Variants in SDK1 observed in about 807,000 individuals in gnomAD.
SDK1 encodes the protein sidekick cell adhesion molecule 1, also known as protein sidekick-1.
In SDK1, 157 loss-of-function variants were observed where a neutral mutation model predicts 245.5. The ratio of observed to expected loss-of-function variants is 0.64; its 90% CI spans 0.56 to 0.73. The LOEUF (loss-of-function observed/expected upper bound fraction) is 0.73. Among genes scored for constraint, SDK1 ranks in the 30% least tolerant of loss-of-function variants. The probability of loss-of-function intolerance (pLI) is 0.00; values close to 1 mark genes in which losing one functional copy is unlikely to be tolerated. For synonymous variants in SDK1, 1,647 were observed against 1,278.5 expected, an observed-to-expected ratio of 1.29 and a Z score of -6.15; for missense variants, 3,583 against 3,002.3, an observed-to-expected ratio of 1.19 and a Z score of -4.52.
intron 5 of SDK1, among the ~76,000 whole-genome samples, chr7:3,918,232 A>G (rs1186936275): frequency 8.5e-5 from 13 of 152,274 alleles, no homozygotes; most frequent in Non-Finnish European, 2.9e-5. Context: ...CCAGCCACAG[A>G]CTGGTATCGG....
At chr7:4,088,450 C>T (rs1397084654) in intron 22 of SDK1, among the ~76,000 whole-genome samples, 1 of 152,064 alleles carries the variant, frequency 6.6e-6, no homozygotes, top group Non-Finnish European at 1.5e-5. Flanking sequence ...AAGATTTTAT[C>T]ATCAGGTATG....
In SDK1 at chr7:4,129,899, A is replaced by T; in HGVS notation, c.3940-9A>T. ...TCCTGATAACCCTCGTGCTGTGTCG[A>T]TACCACAGATCCTGTTCCGGGCCAA... is the stretch of plus-strand genomic sequence containing the variant. On this transcript the variant is annotated splice_polypyrimidine_tract_variant and intron_variant, in intron 26 of 44. Coordinates refer to ENST00000404826, the MANE Select transcript of SDK1 (RefSeq NM_152744.4). 1 of 1,613,356 alleles carries T rather than the reference A, an allele frequency of 6.2e-7. No individual in the cohort carries two copies. The highest frequency in any genetic ancestry group is 8.5e-7 in the Non-Finnish European group (1 of 1,179,822).
At chr7:3,885,092 A>G (rs1562512721) in intron 5 of SDK1, among the ~76,000 whole-genome samples, 1 of 150,482 alleles carries the variant, frequency 6.6e-6, no homozygotes, top group African/African-American at 2.4e-5. Flanking sequence ...GGTCAGGTGC[A>G]CCTGAGCCTA....
rs952516119 is a variant in SDK1 at position 3,852,678 on chromosome 7, G to A, written c.847+31095G>A. On this transcript the variant is annotated intron_variant, in intron 5 of 44. Coordinates refer to ENST00000404826, the MANE Select transcript of SDK1 (RefSeq NM_152744.4). ...AGGCAGGAGAATGGCGGGAACCCGG[G>A]AGGCAGAGGTTGCAGTGAGCCGAGA... 2.0e-5 allele frequency among the ~76,000 whole-genome samples: 3 copies of A among 146,502 alleles called. No homozygotes were observed. In the Admixed American group the frequency reaches 2.1e-4, roughly 10 times the overall value.
chr7:4,022,835 G>A (rs1291929510), intron 17 of SDK1, among the ~76,000 whole-genome samples: 28 of 149,058 alleles, frequency 1.9e-4, no homozygotes, highest in East Asian at 1.4e-3. Flanking sequence ...GTGCAGTGGC[G>A]CGATCTCGGC....
intron 5 of SDK1, among the ~76,000 whole-genome samples, chr7:3,905,526 T>A (rs1056143017): frequency 6.6e-6 from 1 of 152,232 alleles, no homozygotes; most frequent in Non-Finnish European, 1.5e-5. Flanking sequence ...GGGTTGTTTT[T>A]TCCTTATCTT....
intron 4 of SDK1, among the ~76,000 whole-genome samples, chr7:3,737,272 A>G (rs1183628293): frequency 1.3e-5 from 2 of 152,050 alleles, no homozygotes; most frequent in Non-Finnish European, 2.9e-5. Context: ...TCAGGTGGTC[A>G]ATGGGGTTGC....
intron 4 of SDK1, among the ~76,000 whole-genome samples, chr7:3,810,772 C>G (rs928201064): frequency 6.6e-6 from 1 of 151,896 alleles, no homozygotes; most frequent in African/African-American, 2.4e-5. Context: ...GGAGAAAAGG[C>G]CAGGGATTTT....
chr7:4,132,919 A>G (rs918422323), intron 28 of SDK1, among the ~76,000 whole-genome samples: 3 of 152,148 alleles, frequency 2.0e-5, no homozygotes, highest in Non-Finnish European at 4.4e-5. Flanking sequence ...GGTTTTTCTT[A>G]TGGAATGAAA....
At chr7:3,637,086 C>CGCGTGTGT (rs1052777325) in intron 2 of SDK1, among the ~76,000 whole-genome samples, 1 of 148,278 alleles carries the variant, frequency 6.7e-6, no homozygotes, top group African/African-American at 2.5e-5. Flanking sequence ...TGCGTGCGCG[C>CGCGTGTGT]GTGTGTGTGT....
At chr7:3,766,345 T>G (rs1227197701) in intron 4 of SDK1, among the ~76,000 whole-genome samples, 1 of 152,214 alleles carries the variant, frequency 6.6e-6, no homozygotes, top group Non-Finnish European at 1.5e-5. Flanking sequence ...TTGCAAAGTG[T>G]ACTCACTTAT....
chr7:4,015,460 A>G (rs1452004954), intron 16 of SDK1, among the ~76,000 whole-genome samples: 2 of 152,188 alleles, frequency 1.3e-5, no homozygotes, highest in Non-Finnish European at 2.9e-5. Context: ...TCTCAGTCCC[A>G]TTTATTTTAA....
intron 4 of SDK1, among the ~76,000 whole-genome samples, chr7:3,727,000 T>C (rs1056578340): frequency 7.2e-5 from 11 of 152,274 alleles, no homozygotes; most frequent in African/African-American, 2.4e-4. Flanking sequence ...TCCTGATAAA[T>C]TGACCATGAA....
chr7:3,856,764 C>T (rs7811839), intron 5 of SDK1, among the ~76,000 whole-genome samples: 35,456 of 152,006 alleles, frequency 0.23, 4,388 homozygotes, highest in Middle Eastern at 0.39. Context: ...GCACTCTAGC[C>T]TGGGCAACAA....
chr7:3,561,447 C>T (rs1343765619), intron 1 of SDK1, among the ~76,000 whole-genome samples: 1 of 152,180 alleles, frequency 6.6e-6, no homozygotes, highest in Non-Finnish European at 1.5e-5. Context: ...GTGTTAGACT[C>T]CACAAGCAGT....
chr7:3,908,059 C>T (rs187977050), intron 5 of SDK1, among the ~76,000 whole-genome samples: 26 of 152,258 alleles, frequency 1.7e-4, no homozygotes, highest in Admixed American at 1.4e-3. Context: ...CTCTTCTCTG[C>T]GGCTTAGCTT....
intron 9 of SDK1, among the ~76,000 whole-genome samples, chr7:3,964,914 G>A (rs972344005): frequency 6.6e-6 from 1 of 152,192 alleles, no homozygotes; most frequent in Admixed American, 6.5e-5. Context: ...TCATTTTGGA[G>A]CTTAGGAAAC....
At chr7:3,639,207 T>A (rs1205572288) in intron 3 of SDK1, 97 bp downstream of exon 3, 8 of 613,602 alleles carry the variant, frequency 1.3e-5, no homozygotes, top group East Asian at 1.2e-4. Context: ...AACTGAGAGT[T>A]TATCTTTGGT....
intron 7 of SDK1, chr7:3,958,275 A>G (rs1374028133): frequency 3.6e-6 from 1 of 281,550 alleles, no homozygotes; most frequent in African/African-American, 2.3e-5. Context: ...AATAAACTGG[A>G]AAAATGTTGC....
Sources: allele counts gnomAD v4.1 joint callset (sites outside exome capture counted in the v4.1 genomes callset), GRCh38; gene constraint gnomAD v4.1.1; transcripts MANE v1.5; gene names NCBI Gene and HGNC (gene_info 2026-07-23, HGNC 2026-07-21).